The following NIT1 variants were observed in gnomAD, a reference collection of about 807,000 sequenced individuals.
The protein encoded by NIT1 is deaminated glutathione amidase.
In NIT1, 30 loss-of-function variants were observed where a neutral mutation model predicts 36.8. The observed-to-expected ratio is 0.82, with a 90% confidence interval of 0.61 to 1.11. The LOEUF (loss-of-function observed/expected upper bound fraction) is 1.11. Among genes scored for constraint, NIT1 ranks in the 50% least tolerant of loss-of-function variants. The pLI, the probability that NIT1 is intolerant of heterozygous loss-of-function variation, is 0.00. For synonymous variants in NIT1, 151 were observed against 155.6 expected, an observed-to-expected ratio of 0.97 and a Z score of 0.22; for missense variants, 438 against 410.6, an observed-to-expected ratio of 1.07 and a Z score of -0.58.
At chr1:161,123,118 G>A (rs909858744), downstream of NIT1, 1 of 1,614,026 alleles carries the variant, frequency 6.2e-7, no homozygotes, top group African/African-American at 1.3e-5. Context: ...CTGACTTCCG[G>A]CGTTTTCGCT....
At chr1:161,123,668 G>A (rs1330095564), downstream of NIT1, among the ~76,000 whole-genome samples, 2 of 149,598 alleles carry the variant, frequency 1.3e-5, no homozygotes, top group Admixed American at 6.7e-5. Context: ...AGACATGTGA[G>A]AGCAAATACA....
chr1:161,118,585 C>T (rs1372455268), intron 1 of NIT1: 3 of 1,536,062 alleles, frequency 2.0e-6, no homozygotes, highest in Non-Finnish European at 1.7e-6. Context: ...ATTCAGGCGG[C>T]GAGCAGAGCC....
intron 1 of NIT1, chr1:161,118,570 G>A: frequency 6.5e-7 from 1 of 1,536,220 alleles, no homozygotes; most frequent in Non-Finnish European, 8.7e-7. Context: ...ATTGGAAGTT[G>A]AACTATTCAG....
At position 161,118,772 on chromosome 1, in the gene NIT1, C is replaced by A. The variant is rs1486063506; in HGVS notation, c.3-14C>A. ...GAAGAAGGGGTTGGTGTCCTCATAT[C>A]TCACCTTCCTCAGGCTGGGCTTCAT... is the stretch of plus-strand genomic sequence containing the variant. On this transcript the variant is annotated splice_polypyrimidine_tract_variant and intron_variant, in intron 1 of 6. Transcript: ENST00000368009. The A allele has an allele frequency of 3.1e-6, 5 of 1,597,490 alleles. No homozygotes were observed. In the Admixed American group the frequency reaches 8.3e-5, roughly 27 times the overall value.
chr1:161,122,186 C>T (rs1386094916), downstream of NIT1: 1 of 1,614,050 alleles, frequency 6.2e-7, no homozygotes. The surrounding 1 kb of genome is among the most constrained non-coding windows in gnomAD (Gnocchi z 4.2). Context: ...TCAGGAGTTT[C>T]TGTCGGCCCA....
chr1:161,122,625 G>T, downstream of NIT1: 1 of 1,412,930 alleles, frequency 7.1e-7, no homozygotes, highest in South Asian at 1.4e-5. The surrounding 1 kb of genome is among the most constrained non-coding windows in gnomAD (Gnocchi z 4.2). Context: ...AAAAAGTAGG[G>T]AATATCACCT....
chr1:161,120,137 T>C lies in NIT1; in HGVS notation c.622T>C (p.Phe208Leu). 1 of 1,614,152 alleles carries C rather than the reference T, an allele frequency of 6.2e-7. No homozygotes were observed. The highest frequency in any genetic ancestry group is 8.5e-7 in the Non-Finnish European group (1 of 1,180,032). ...IGLAVCYDMRFPELSLALAQA... is the reference protein window; with the variant it reads ...IGLAVCYDMRLPELSLALAQA... ...TCTAGCTGTCTGCTATGACATGCGG[T>C]TCCCTGAACTCTCTCTGGCATTGGC... The change falls in exon 6 of 7, where the codon TTC becomes CTC. Residue 208 changes from phenylalanine (F) to leucine (L), a missense_variant. Transcript: ENST00000368009.
chr1:161,123,076 A>G (rs1655703924), downstream of NIT1: 1 of 1,613,940 alleles, frequency 6.2e-7, no homozygotes, highest in African/African-American at 1.3e-5. Context: ...CTTCCTCACC[A>G]CATGTCTGCT....
downstream of NIT1, chr1:161,122,617 A>G (rs1026310073): frequency 6.8e-7 from 1 of 1,469,682 alleles, no homozygotes; most frequent in Non-Finnish European, 9.2e-7. The surrounding 1 kb of genome is among the most constrained non-coding windows in gnomAD (Gnocchi z 4.2). Flanking sequence ...ACAGAATAAA[A>G]AAGTAGGGAA....
intron 1 of NIT1, 96 bp from the exon 2 acceptor site, chr1:161,118,690 T>C (rs1571197264): frequency 2.8e-6 from 4 of 1,453,350 alleles, no homozygotes; most frequent in Non-Finnish European, 2.9e-6. Context: ...GGCAGGGCCC[T>C]GATTCAGGCT....
At position 161,118,795 on chromosome 1, in the gene NIT1, C is replaced by T. The variant is rs1421160741; in HGVS notation, c.12C>T (p.Phe4=). The change falls in exon 2 of 7, where the codon TTC becomes TTT. Residue 4 remains phenylalanine (F), a synonymous_variant. Transcript: ENST00000368009. MLG[F]ITRPPHRFLS... The stretch of plus-strand genomic sequence containing the variant: ...ATCTCACCTTCCTCAGGCTGGGCTT[C>T]ATCACCAGGCCTCCTCACAGATTCC... 1 of 1,613,344 alleles carries T rather than the reference C, an allele frequency of 6.2e-7. No individual in the cohort carries two copies. The highest frequency in any genetic ancestry group is 1.3e-5 in the African/African-American group (1 of 75,030).
rs1417270332 is a variant in NIT1 at position 161,121,092 on chromosome 1, A to C, written c.*327A>C. 4 of 1,161,438 alleles carry C rather than the reference A, an allele frequency of 3.4e-6. No homozygotes were observed. Among genetic ancestry groups the C allele is most frequent in the Middle Eastern group, 3.7e-4 (1 of 2,668 alleles). The allele number at this position is 1,161,438 out of a possible 1,614,324, so 71.9% of individuals were successfully genotyped here. Reference sequence around the variant, plus strand: ...CTGTGTCTGGACATCGCCTTTGGGAACTAGAAGGGGAGTTGGTATTGTACC... The same window carrying C: ...CTGTGTCTGGACATCGCCTTTGGGACCTAGAAGGGGAGTTGGTATTGTACC... On this transcript the variant is annotated 3_prime_UTR_variant, in exon 7 of 7. Transcript: ENST00000368009.
At chr1:161,123,090 C>G (rs768620883), downstream of NIT1, 5 of 1,614,106 alleles carry the variant, frequency 3.1e-6, no homozygotes, top group Non-Finnish European at 8.5e-7. Flanking sequence ...GTCTGCTTCT[C>G]CTTGGGATCT....
downstream of NIT1, chr1:161,124,237 G>C: frequency 1.2e-6 from 2 of 1,614,206 alleles, no homozygotes; most frequent in Non-Finnish European, 1.7e-6. Flanking sequence ...TCATCACAGC[G>C]GCCCTGGCGC....
intron 2 of NIT1, 98 bp from the exon 3 acceptor site, chr1:161,119,035 AG>A: frequency 1.3e-6 from 2 of 1,489,442 alleles, no homozygotes; most frequent in South Asian, 2.3e-5. Context: ...CATGATCAAA[AG>A]GAAGTCCAGC....
At chr1:161,123,898 T>A, downstream of NIT1, 1 of 1,614,022 alleles carries the variant, frequency 6.2e-7, no homozygotes, top group Non-Finnish European at 8.5e-7. Context: ...GGGGGTCACA[T>A]AGCGAATTGA....
Position 161,121,108 on chromosome 1 carries a change from G to A in NIT1, c.*343G>A. On this transcript the variant is annotated 3_prime_UTR_variant, in exon 7 of 7. Coordinates refer to ENST00000368009, the MANE Select transcript of NIT1 (RefSeq NM_005600.3). ...CCTTTGGGAACTAGAAGGGGAGTTG[G>A]TATTGTACCAGCTGGACTAAGCTCC... The A allele has an allele frequency of 8.8e-7, 1 of 1,141,794 alleles. No individual in the cohort carries two copies. Among genetic ancestry groups the A allele is most frequent in the Non-Finnish European group, 1.1e-6 (1 of 922,004 alleles). 70.7% of individuals were successfully genotyped at this position (1,141,794 alleles called of 1,614,324 possible).
chr1:161,118,493 C>T (rs1234220551), intron 1 of NIT1: 2 of 1,536,014 alleles, frequency 1.3e-6, no homozygotes, highest in South Asian at 1.2e-5. Flanking sequence ...AGGATAGTTC[C>T]CGGAGATGAC....
chr1:161,123,067 T>C (rs780445260), downstream of NIT1: 5 of 1,614,194 alleles, frequency 3.1e-6, no homozygotes, highest in South Asian at 5.5e-5. Flanking sequence ...ACCCTTGAAC[T>C]TCCTCACCAC....
Sources: allele counts gnomAD v4.1 joint callset (sites outside exome capture counted in the v4.1 genomes callset), GRCh38; gene constraint gnomAD v4.1.1; non-coding constraint Gnocchi (gnomAD v3.1); transcripts MANE v1.5; gene names NCBI Gene and HGNC (gene_info 2026-07-23, HGNC 2026-07-21).